The following CTNNA3 variants were observed in gnomAD, a reference collection of about 807,000 sequenced individuals.
CTNNA3 encodes the protein catenin alpha 3, also known as catenin alpha-3.
Under a neutral mutation model 95.7 loss-of-function variants are expected in CTNNA3, and 76 were observed. The observed-to-expected ratio is 0.79, with a 90% CI of 0.66 to 0.96. CTNNA3 has a LOEUF of 0.96. Ranked by LOEUF, CTNNA3 falls within the 40% of genes least tolerant of loss-of-function variation. The probability of loss-of-function intolerance (pLI) is 0.00; values close to 1 mark genes in which losing one functional copy is unlikely to be tolerated. For synonymous variants in CTNNA3, 431 were observed against 374.4 expected, an observed-to-expected ratio of 1.15 and a Z score of -1.74; for missense variants, 1,191 against 1,089.8, an observed-to-expected ratio of 1.09 and a Z score of -1.31.
In CTNNA3 at chr10:66,629,689, C is replaced by G. The variant is rs1048241863; in HGVS notation, c.1282-7905G>C. ...TCCCTACTACGTCTTGCAGTCTGGC[C>G]TGAGAGTCATCATGTGTAGTTCTTG... On this transcript the variant is annotated intron_variant, in intron 9 of 17. Coordinates refer to ENST00000433211, the MANE Select transcript of CTNNA3 (RefSeq NM_013266.4). Among the ~76,000 whole-genome samples, 8 of 152,122 alleles carry G rather than the reference C, an allele frequency of 5.3e-5. No individual in the cohort carries two copies. The East Asian group carries it at 1.6e-3, about 30-fold the overall frequency.
Position 67,407,624 on chromosome 10 carries a change from C to G in CTNNA3, c.579+114218G>C, listed in dbSNP as rs115317419. On this transcript the variant is annotated intron_variant, in intron 5 of 17. Coordinates refer to ENST00000433211, the MANE Select transcript of CTNNA3 (RefSeq NM_013266.4). ...TCAAATAGGAAAGGAAGAAGTCAAA[C>G]TCTCTTCGTTTGCAGGTGACATAAT... is the stretch of plus-strand genomic sequence containing the variant. 8.0e-3 allele frequency among the ~76,000 whole-genome samples: 1,218 copies of G among 152,254 alleles called. 26 individuals carry two copies. The highest frequency in any genetic ancestry group is 0.028 in the African/African-American group (1,150 of 41,552).
At chr10:66,283,797 A>G (rs1226748920) in intron 12 of CTNNA3, among the ~76,000 whole-genome samples, 1 of 151,894 alleles carries the variant, frequency 6.6e-6, no homozygotes, top group African/African-American at 2.4e-5. Flanking sequence ...CTATGGACAT[A>G]TGGTTGCTTG....
chr10:67,630,618 A>G (rs972405751), intron 2 of CTNNA3, among the ~76,000 whole-genome samples: 5 of 152,192 alleles, frequency 3.3e-5, no homozygotes, highest in African/African-American at 1.2e-4. Flanking sequence ...ATTAAAAGCT[A>G]TCCCCAAGGG....
chr10:66,572,337 C>T (rs1171398532), intron 10 of CTNNA3, among the ~76,000 whole-genome samples: 1 of 150,988 alleles, frequency 6.6e-6, no homozygotes, highest in Non-Finnish European at 1.5e-5. Context: ...GAGCCAAGAT[C>T]GCACCACTGC....
intron 12 of CTNNA3, among the ~76,000 whole-genome samples, chr10:66,291,843 T>C (rs2091686497): frequency 6.6e-6 from 1 of 151,568 alleles, no homozygotes; most frequent in African/African-American, 2.4e-5. Context: ...ATAAATTATA[T>C]ATATGTGTAT....
At chr10:66,331,446 C>G (rs1346588878) in intron 12 of CTNNA3, among the ~76,000 whole-genome samples, 5 of 144,172 alleles carry the variant, frequency 3.5e-5, no homozygotes, top group Non-Finnish European at 6.0e-5. Context: ...CTCCGCCTCC[C>G]GGGTTCACGC....
chr10:66,978,628 C>T (rs977495899), intron 7 of CTNNA3, among the ~76,000 whole-genome samples: 1 of 142,226 alleles, frequency 7.0e-6, no homozygotes, highest in Non-Finnish European at 1.5e-5. Flanking sequence ...GTTCTTACCA[C>T]AGTTTTTAAA....
intron 7 of CTNNA3, among the ~76,000 whole-genome samples, chr10:66,945,451 G>A (rs1049735840): frequency 3.9e-5 from 6 of 152,130 alleles, no homozygotes; most frequent in African/African-American, 1.4e-4. Context: ...AAAGGATCTA[G>A]GGCTTTACTC....
chr10:66,669,450 C>G (rs925734958), intron 9 of CTNNA3, among the ~76,000 whole-genome samples: 3 of 151,292 alleles, frequency 2.0e-5, no homozygotes, highest in African/African-American at 7.3e-5. Context: ...GGCTGAGGCA[C>G]GAGAATCACT....
At chr10:66,699,394 T>C (rs1344245459) in intron 9 of CTNNA3, among the ~76,000 whole-genome samples, 1 of 152,178 alleles carries the variant, frequency 6.6e-6, no homozygotes, top group Non-Finnish European at 1.5e-5. Context: ...CTTGGTGTTT[T>C]TCTTTTTTTC....
At chr10:67,422,192 T>C (rs765293245) in intron 5 of CTNNA3, among the ~76,000 whole-genome samples, 3 of 152,102 alleles carry the variant, frequency 2.0e-5, no homozygotes, top group African/African-American at 7.2e-5. Flanking sequence ...CTGACAAAAT[T>C]TGAATATGTG....
chr10:67,165,419 T>C (rs1470939030), intron 7 of CTNNA3, among the ~76,000 whole-genome samples: 2 of 151,996 alleles, frequency 1.3e-5, no homozygotes, highest in African/African-American at 4.8e-5. Context: ...AAGGGAGATA[T>C]TTGTAGTGAT....
chr10:67,564,123 C>T (rs1841653979), intron 3 of CTNNA3, among the ~76,000 whole-genome samples: 1 of 149,752 alleles, frequency 6.7e-6, no homozygotes, highest in Non-Finnish European at 1.5e-5. Context: ...TACCATTTGA[C>T]CCAGTGATCC....
At chr10:66,982,672 G>A (rs942578143) in intron 7 of CTNNA3, among the ~76,000 whole-genome samples, 3 of 152,148 alleles carry the variant, frequency 2.0e-5, no homozygotes, top group African/African-American at 7.2e-5. Flanking sequence ...GAATAAAAGA[G>A]ATCAATGAAT....
intron 3 of CTNNA3, among the ~76,000 whole-genome samples, chr10:67,574,564 A>G (rs949074460): frequency 6.7e-6 from 1 of 149,266 alleles, no homozygotes; most frequent in East Asian, 2.0e-4. Context: ...TCTTACATTG[A>G]CAAGGTTGTT....
intron 10 of CTNNA3, among the ~76,000 whole-genome samples, chr10:66,527,156 GCA>G (rs1287023788): frequency 6.6e-6 from 1 of 152,080 alleles, no homozygotes; most frequent in Non-Finnish European, 1.5e-5. Context: ...TGTTTTCCCA[GCA>G]CCAATTGTTG....
chr10:66,836,277 T>A (rs1842885076), intron 7 of CTNNA3, among the ~76,000 whole-genome samples: 1 of 152,132 alleles, frequency 6.6e-6, no homozygotes, highest in Admixed American at 6.5e-5. Context: ...ACCTGCAGCA[T>A]CACACTGTTT....
intron 5 of CTNNA3, among the ~76,000 whole-genome samples, chr10:67,296,931 T>G (rs1319802521): frequency 1.5e-5 from 1 of 66,672 alleles, no homozygotes; most frequent in African/African-American, 1.4e-4. Flanking sequence ...TGAAACGCTG[T>G]CTCAAAAAAA....
At position 67,219,762 on chromosome 10, in the gene CTNNA3, C is replaced by T. The variant is rs1864564059; in HGVS notation, c.688G>A (p.Asp230Asn). The change falls in exon 6 of 18, where the codon GAT becomes AAT. Residue 230 changes from aspartate (D) to asparagine (N), a missense_variant. Asp to Asn is a conservative substitution (Grantham distance 23). Transcript: ENST00000433211. ...TTGCTTGCTTTGAGGGAAGCAACAT[C>T]AGAATGCTCCAAACAAGCTGAACAA... Reference protein sequence around the residue: ...SICSACLEHSDVASLKASKDT... With the variant: ...SICSACLEHSNVASLKASKDT... 4 of 1,614,098 alleles carry T rather than the reference C, an allele frequency of 2.5e-6. No individual in the cohort carries two copies. In the East Asian group the frequency reaches 8.9e-5, roughly 36 times the overall value.
Sources: allele counts gnomAD v4.1 joint callset (sites outside exome capture counted in the v4.1 genomes callset), GRCh38; gene constraint gnomAD v4.1.1; transcripts MANE v1.5; gene names NCBI Gene and HGNC (gene_info 2026-07-23, HGNC 2026-07-21).